Variants in TBC1D1 observed in about 807,000 individuals in gnomAD.
The protein encoded by TBC1D1 is TBC1 (tre-2/USP6, BUB2, cdc16) domain family, member 1.
In TBC1D1, 89 loss-of-function variants were observed where a neutral mutation model predicts 125.6. The ratio of observed to expected loss-of-function variants is 0.71; its 90% CI spans 0.60 to 0.85. The LOEUF is 0.85. Among genes scored for constraint, TBC1D1 ranks in the 40% least tolerant of loss-of-function variants. The pLI is 0.00. For missense variants in TBC1D1, 1,377 were observed against 1,469.2 expected (o/e 0.94, Z 1.03); for synonymous variants, 565 against 564.1 (o/e 1.00, Z -0.02).
chr4:38,093,817 G>A (rs1395812967), intron 13 of TBC1D1, among the ~76,000 whole-genome samples: 1 of 152,128 alleles, frequency 6.6e-6, no homozygotes. Flanking sequence ...ACAGGCATGA[G>A]CCACTGTGTC....
At chr4:38,070,624 T>G (rs1754541961) in intron 12 of TBC1D1, among the ~76,000 whole-genome samples, 1 of 152,228 alleles carries the variant, frequency 6.6e-6, no homozygotes, top group Non-Finnish European at 1.5e-5. Context: ...ATTTACCAAA[T>G]GTGGGCATTT....
rs10017351 is a variant in TBC1D1 at position 37,915,224 on chromosome 4, A to G, written c.417+12712A>G. Among the ~76,000 whole-genome samples the G allele has an allele frequency of 3.9e-3, 589 of 152,250 alleles. 1 individual carries two copies. The highest frequency in any genetic ancestry group is 0.013 in the African/African-American group (555 of 41,538). On this transcript the variant is annotated intron_variant, in intron 2 of 19. Transcript: ENST00000261439. The stretch of plus-strand genomic sequence containing the variant: ...TCCTTTCTATTTTTTTTAACCTGAT[A>G]TCATCTAGAAGCTCCTGTATTAGTC...
At chr4:37,906,116 C>A (rs1407721871) in intron 2 of TBC1D1, among the ~76,000 whole-genome samples, 2 of 151,824 alleles carry the variant, frequency 1.3e-5, no homozygotes, top group South Asian at 4.1e-4. Context: ...CTGCTGCAGG[C>A]TTCATCTTCA....
intron 1 of TBC1D1, among the ~76,000 whole-genome samples, chr4:37,896,570 T>A (rs1186791949): frequency 1.3e-5 from 2 of 152,184 alleles, no homozygotes; most frequent in Non-Finnish European, 2.9e-5. Flanking sequence ...TTGGGGATGA[T>A]CTTGTTCCAT....
chr4:38,128,389 G>C (rs565181508), intron 18 of TBC1D1, among the ~76,000 whole-genome samples: 20 of 152,166 alleles, frequency 1.3e-4, no homozygotes, highest in Non-Finnish European at 2.2e-4. Context: ...AGCAGACATG[G>C]GGTCCAGCAT....
At chr4:38,063,888 C>G (rs777451486) in intron 12 of TBC1D1, among the ~76,000 whole-genome samples, 40 of 152,272 alleles carry the variant, frequency 2.6e-4, no homozygotes, top group Non-Finnish European at 4.7e-4. Context: ...CTCAGCCTCC[C>G]AAAGTGTTGG....
In TBC1D1 at chr4:37,995,944, C is replaced by T; in HGVS notation, c.418-18565C>T. ...TCATTCCCAGGGAGAAATCCACACT[C>T]AAGGACTTCTTTCTTCTCTTGCCTC... On this transcript the variant is annotated intron_variant, in intron 2 of 19. Transcript: ENST00000261439. The surrounding 1 kb of genome is among the most constrained non-coding windows in gnomAD (Gnocchi z 4.3). The T allele has an allele frequency of 1.7e-6, 1 of 574,408 alleles. No homozygotes were observed. Among genetic ancestry groups the T allele is most frequent in the Admixed American group, 1.9e-5 (1 of 52,782 alleles). 35.6% of individuals were successfully genotyped at this position (574,408 alleles called of 1,614,324 possible).
intron 2 of TBC1D1, among the ~76,000 whole-genome samples, chr4:38,011,066 C>T (rs1741375244): frequency 6.6e-6 from 1 of 152,080 alleles, no homozygotes; most frequent in Non-Finnish European, 1.5e-5. Flanking sequence ...AATAGTGCCT[C>T]AGAGGCTGGG....
At chr4:37,997,680 G>A (rs1738111336) in intron 2 of TBC1D1, among the ~76,000 whole-genome samples, 1 of 151,856 alleles carries the variant, frequency 6.6e-6, no homozygotes, top group Non-Finnish European at 1.5e-5. Flanking sequence ...ACCACACGTA[G>A]TCCCTTCCAG....
intron 8 of TBC1D1, among the ~76,000 whole-genome samples, chr4:38,042,310 G>A (rs138172503): frequency 3.3e-5 from 5 of 151,962 alleles, no homozygotes; most frequent in South Asian, 2.1e-4. Flanking sequence ...GCTGGAGTGC[G>A]GTGGTGCGAT....
chr4:38,100,269 A>C (rs1760072279), intron 14 of TBC1D1, among the ~76,000 whole-genome samples: 1 of 152,182 alleles, frequency 6.6e-6, no homozygotes, highest in African/African-American at 2.4e-5. Flanking sequence ...AAGCAACAGA[A>C]ATTCTTCTCT....
chr4:37,971,600 G>A (rs1404034057), intron 2 of TBC1D1, among the ~76,000 whole-genome samples: 1 of 152,158 alleles, frequency 6.6e-6, no homozygotes, highest in South Asian at 2.1e-4. Flanking sequence ...TGGGGACACA[G>A]CCAAACCATA....
chr4:38,060,795 A>G lies in TBC1D1; in HGVS notation c.2050+6457A>G, dbSNP rs186291322. On this transcript the variant is annotated intron_variant, in intron 12 of 19. Coordinates refer to ENST00000261439, the MANE Select transcript of TBC1D1 (RefSeq NM_015173.4). ...CTTGGAGTCTTCTGGAAATCTTGTTAAAAGGCAGACTCTGTTGCAGTAGGT... is the reference window on the plus strand; with the variant it reads ...CTTGGAGTCTTCTGGAAATCTTGTTGAAAGGCAGACTCTGTTGCAGTAGGT... 41 of 450,090 alleles carry G rather than the reference A, an allele frequency of 9.1e-5. No individual in the cohort carries two copies. The Admixed American group carries it at 1.4e-3, about 15-fold the overall frequency. 27.9% of individuals were successfully genotyped at this position (450,090 alleles called of 1,614,324 possible). A position where few individuals can be genotyped will look rare whatever the true frequency, so the allele number is the denominator to read the frequency against.
At chr4:38,023,243 CAAAA>C (rs71658750) in intron 6 of TBC1D1, among the ~76,000 whole-genome samples, 1 of 76,520 alleles carries the variant, frequency 1.3e-5, no homozygotes, top group Non-Finnish European at 2.8e-5. Flanking sequence ...CGAGATGTCT[CAAAA>C]AAAAAAAAAA....
At chr4:37,891,627 A>G (rs1462924460) in intron 1 of TBC1D1, among the ~76,000 whole-genome samples, 1 of 75,466 alleles carries the variant, frequency 1.3e-5, no homozygotes, top group African/African-American at 5.2e-5. Context: ...AACCCCCGCC[A>G]GCTCACTGGT....
intron 2 of TBC1D1, among the ~76,000 whole-genome samples, chr4:38,011,969 C>G (rs1455125729): frequency 6.6e-6 from 1 of 152,186 alleles, no homozygotes; most frequent in Non-Finnish European, 1.5e-5. Flanking sequence ...CACATTTTCT[C>G]TCTCCTTTGA....
intron 2 of TBC1D1, among the ~76,000 whole-genome samples, chr4:37,951,430 C>A (rs1241082442): frequency 6.6e-6 from 1 of 152,054 alleles, no homozygotes; most frequent in Non-Finnish European, 1.5e-5. Context: ...AAATACATGG[C>A]CTCAGAATCT....
At chr4:37,978,576 T>TA (rs991992485) in intron 2 of TBC1D1, among the ~76,000 whole-genome samples, 1 of 152,254 alleles carries the variant, frequency 6.6e-6, no homozygotes, top group African/African-American at 2.4e-5. Context: ...GCCTGTGATT[T>TA]AAGTGATACA....
At chr4:38,059,391 T>A (rs79185536) in intron 12 of TBC1D1, among the ~76,000 whole-genome samples, 4,438 of 152,296 alleles carry the variant, frequency 0.029, 100 homozygotes, top group Middle Eastern at 0.044. Context: ...GTATGATAAA[T>A]AGGAAATCAG....
Sources: gnomAD v4.1 joint callset for allele counts (sites outside exome capture counted in the v4.1 genomes callset) on GRCh38, gnomAD v4.1.1 for gene constraint, Gnocchi (gnomAD v3.1) non-coding constraint, MANE v1.5 for transcripts, NCBI Gene and HGNC (gene_info 2026-07-23, HGNC 2026-07-21) for gene names.